USP4: variants seen among roughly 807,000 people sequenced by gnomAD.
USP4 encodes the protein ubiquitin carboxyl-terminal hydrolase 4.
Under a neutral mutation model 118.2 loss-of-function variants are expected in USP4, and 72 were observed. The ratio of observed to expected loss-of-function variants is 0.61; its 90% CI spans 0.50 to 0.74. The LOEUF is 0.74. Ranked by LOEUF, USP4 falls within the 30% of genes least tolerant of loss-of-function variation. The pLI, the probability that USP4 is intolerant of heterozygous loss-of-function variation, is 0.00. For synonymous variants in USP4, 415 were observed against 440.4 expected (o/e 0.94, Z 0.72); for missense variants, 1,037 against 1,185.7 (o/e 0.87, Z 1.84).
At chr3:49,315,224 T>C (rs573630510) in intron 6 of USP4, among the ~76,000 whole-genome samples, 2 of 152,158 alleles carry the variant, frequency 1.3e-5, no homozygotes, top group South Asian at 2.1e-4. Flanking sequence ...AGCACGTGCC[T>C]GCAGTCCTAG....
At chr3:49,316,399 T>A (rs1205730059) in intron 6 of USP4, among the ~76,000 whole-genome samples, 1 of 151,872 alleles carries the variant, frequency 6.6e-6, no homozygotes, top group East Asian at 2.0e-4. Context: ...GCAATTCTCA[T>A]GCCTCAGCCT....
At chr3:49,324,837 T>A in intron 5 of USP4, 57 bp downstream of exon 5, 2 of 1,613,854 alleles carry the variant, frequency 1.2e-6, no homozygotes, top group Non-Finnish European at 1.7e-6. Flanking sequence ...GCAAAAAGTA[T>A]CTGGCCACAC....
chr3:49,281,491 T>TACACACACACACACAC lies in USP4; in HGVS notation c.2541-660_2541-645dup, dbSNP rs71077782. 6.5e-4 allele frequency among the ~76,000 whole-genome samples: 82 copies of TACACACACACACACAC among 126,538 alleles called. 1 individual carries two copies. The highest frequency in any genetic ancestry group is 4.2e-3 in the Middle Eastern group (1 of 236). 83.0% of individuals were successfully genotyped at this position (126,538 alleles called of 152,430 possible). ...AAAAGTATGTGTATATATATATATATACACACACACACACACACACACACA... is the reference window on the plus strand; with the variant it reads ...AAAAGTATGTGTATATATATATATATACACACACACACACACACACACACACACACACACACACACA... On this transcript the variant is annotated intron_variant, in intron 19 of 21. Coordinates refer to ENST00000265560, the MANE Select transcript of USP4 (RefSeq NM_003363.4).
At chr3:49,316,923 C>G (rs757303276) in intron 6 of USP4, 39 of 615,564 alleles carry the variant, frequency 6.3e-5, no homozygotes, top group Non-Finnish European at 9.8e-5. Flanking sequence ...GGCTGTGCCC[C>G]GGGCTTGTCA....
Position 49,302,395 on chromosome 3 carries a change from G to A in USP4, c.1276C>T (p.Arg426Trp), listed in dbSNP as rs748149355. The A allele has an allele frequency of 5.3e-5, 85 of 1,613,312 alleles. No individual in the cohort carries two copies. Among genetic ancestry groups the A allele is most frequent in the Non-Finnish European group, 6.3e-5 (74 of 1,179,762 alleles). Reference sequence around the variant, plus strand: ...CATTAATGGCATACCGCATCTGGCCGCCCATTGGCATCCTTCAGCTCCAAG... The same window carrying A: ...CATTAATGGCATACCGCATCTGGCCACCCATTGGCATCCTTCAGCTCCAAG... ...PYLELKDANG[R>W]PDAVVAKEAW... Residue 426 changes from arginine to tryptophan, a missense_variant, in exon 10 of 22, where the codon CGG becomes TGG. This residue lies in a region of USP4 where 487 missense variants were observed against 534.1 expected (regional missense o/e 0.91). Transcript: ENST00000265560.
intron 16 of USP4, among the ~76,000 whole-genome samples, chr3:49,285,305 A>G (rs1575600800): frequency 7.1e-6 from 1 of 141,178 alleles, no homozygotes; most frequent in African/African-American, 2.5e-5. Flanking sequence ...TGACAGAAGG[A>G]AAAAAAAAAA....
chr3:49,293,319 C>T (rs1228043718), intron 14 of USP4, among the ~76,000 whole-genome samples: 1 of 151,978 alleles, frequency 6.6e-6, no homozygotes, highest in East Asian at 1.9e-4. Flanking sequence ...TTGAGACTAG[C>T]CTGGCCAACA....
chr3:49,325,698 G>C, intron 4 of USP4, 21 bp downstream of exon 4: 1 of 1,611,842 alleles, frequency 6.2e-7, no homozygotes, highest in Non-Finnish European at 8.5e-7. Flanking sequence ...ACATACCAGG[G>C]ACCCCAGCCC....
chr3:49,334,340 G>C (rs2047648179), intron 2 of USP4, among the ~76,000 whole-genome samples: 1 of 152,180 alleles, frequency 6.6e-6, no homozygotes, highest in Non-Finnish European at 1.5e-5. Context: ...ATTCCTTAGG[G>C]CAACTTCGTG....
intron 2 of USP4, among the ~76,000 whole-genome samples, chr3:49,328,934 C>T (rs2047585436): frequency 6.6e-6 from 1 of 151,950 alleles, no homozygotes; most frequent in African/African-American, 2.4e-5. Flanking sequence ...AATCCCAGCA[C>T]TTTCGGAGGC....
Position 49,302,470 on chromosome 3 carries a change from GA to G in USP4, c.1200del (p.Leu401PhefsTer2). The G allele has an allele frequency of 1.2e-6, 2 of 1,614,180 alleles. No homozygotes were observed. Among genetic ancestry groups the G allele is most frequent in the Non-Finnish European group, 1.7e-6 (2 of 1,180,024 alleles). ...AGATCTTCATGCAATCCATCTAGAA[GA>G]AAGGCCAGCAGCTCCTGAGAATCTT... is the stretch of plus-strand genomic sequence containing the variant. Reference protein sequence around the residue: ...QQQDSQELLAFLLDGLHEDLN... With the variant: ...QQQDSQELLAXLLDGLHEDLN... On this transcript the variant is annotated frameshift_variant, in exon 10 of 22. Transcript: ENST00000265560. LOFTEE classifies it high-confidence loss of function.
At position 49,283,998 on chromosome 3, in the gene USP4, T is replaced by C; in HGVS notation, c.2529A>G (p.Glu843=). 1 of 1,614,246 alleles carries C rather than the reference T, an allele frequency of 6.2e-7. No homozygotes were observed. Among genetic ancestry groups the C allele is most frequent in the Non-Finnish European group, 8.5e-7 (1 of 1,180,046 alleles). Residue 843 remains glutamate, a synonymous_variant, in exon 19 of 22, where the codon GAA becomes GAG. Transcript: ENST00000265560. ...YWRDKLDTVV[E]FPIRGLNMSE... ...TCACCATGACCCACCTGATTGGGAA[T>C]TCTACGACTGTGTCGAGCTTATCCC...
chr3:49,277,936 C>T lies in USP4; in HGVS notation c.*357G>A. 2.5e-6 allele frequency: 1 copy of T among 407,664 alleles called. No individual in the cohort carries two copies. Among genetic ancestry groups the T allele is most frequent in the Non-Finnish European group, 4.3e-6 (1 of 232,636 alleles). 25.3% of individuals were successfully genotyped at this position (407,664 alleles called of 1,614,324 possible). A position where few individuals can be genotyped will look rare whatever the true frequency, so the allele number is the denominator to read the frequency against. ...AGAAATCCAGGCGCTCAGGGCAGCC[C>T]TGCAGGTGGGGTGGGTCTCCAGGCT... On this transcript the variant is annotated 3_prime_UTR_variant, in exon 22 of 22. Coordinates refer to ENST00000265560, the MANE Select transcript of USP4 (RefSeq NM_003363.4).
At chr3:49,318,165 CATT>C (rs2107793814) in intron 6 of USP4, 1 of 239,220 alleles carries the variant, frequency 4.2e-6, no homozygotes, top group East Asian at 1.8e-4. Context: ...GACAGGGTCA[CATT>C]ATGTTGCCTA....
chr3:49,284,528 C>T lies in USP4; in HGVS notation c.2328G>A (p.Val776=). The T allele has an allele frequency of 6.2e-7, 1 of 1,614,102 alleles. No homozygotes were observed. The highest frequency in any genetic ancestry group is 1.1e-5 in the South Asian group (1 of 91,076). The change falls in exon 18 of 22, where the codon GTG becomes GTA. Residue 776 remains valine, a synonymous_variant. Transcript: ENST00000265560. ...LQPQKKKKTT[V]ALRDCIELFT... The stretch of plus-strand genomic sequence containing the variant: ...AGAGCTCGATGCAGTCTCTCAGGGC[C>T]ACTGTGGTCTTCTTCTTCTTCTGAG...
At chr3:49,339,786 T>C (rs551165662) in intron 1 of USP4, 138 bp downstream of exon 1, 13 of 639,750 alleles carry the variant, frequency 2.0e-5, no homozygotes, top group East Asian at 1.4e-4. Flanking sequence ...GTTATTCTCC[T>C]GAGGGGCAGG....
rs554130072 is a variant in USP4 at position 49,285,740 on chromosome 3, G to A, written c.2200+358C>T. 3.3e-5 allele frequency among the ~76,000 whole-genome samples: 5 copies of A among 152,244 alleles called. No homozygotes were observed. In the East Asian group the frequency reaches 5.8e-4, roughly 18 times the overall value. ...ACCATCCTCTGAATGGGTACATTTC[G>A]TGAGTATTAATGAACAAAATAAATA... On this transcript the variant is annotated intron_variant, in intron 16 of 21. Coordinates refer to ENST00000265560, the MANE Select transcript of USP4 (RefSeq NM_003363.4).
intron 14 of USP4, 21 bp downstream of exon 14, chr3:49,294,386 A>T: frequency 6.2e-7 from 1 of 1,603,574 alleles, no homozygotes; most frequent in Non-Finnish European, 8.5e-7. Flanking sequence ...ATAACAACCA[A>T]ATCACATTCC....
At chr3:49,310,832 G>C in intron 7 of USP4, 95 bp from the exon 8 acceptor site, 2 of 939,536 alleles carry the variant, frequency 2.1e-6, no homozygotes, top group Non-Finnish European at 3.4e-6. Flanking sequence ...TCTAGAACTT[G>C]TGTGGTAGTA....
Sources: allele counts gnomAD v4.1 joint callset (sites outside exome capture counted in the v4.1 genomes callset), GRCh38; gene constraint gnomAD v4.1.1; regional missense constraint gnomAD v4.1.1; transcripts MANE v1.5; gene names NCBI Gene and HGNC (gene_info 2026-07-23, HGNC 2026-07-21).